Variants in ADAMTSL3 observed in about 807,000 individuals in gnomAD.
ADAMTSL3 encodes the protein ADAMTS-like protein 3.
Under a neutral mutation model 201.7 loss-of-function variants are expected in ADAMTSL3, and 128 were observed. The ratio of observed to expected loss-of-function variants is 0.63; its 90% CI spans 0.55 to 0.73. The LOEUF is 0.73. Ranked by LOEUF, ADAMTSL3 falls within the 30% of genes least tolerant of loss-of-function variation. The pLI is 0.00. For missense variants in ADAMTSL3, 1,990 were observed against 2,119.6 expected, an observed-to-expected ratio of 0.94 and a Z score of 1.20; for synonymous variants, 738 against 748.4, an observed-to-expected ratio of 0.99 and a Z score of 0.23.
At chr15:83,791,222 AG>A (rs536127741) in intron 4 of ADAMTSL3, among the ~76,000 whole-genome samples, 1 of 152,212 alleles carries the variant, frequency 6.6e-6, no homozygotes, top group Admixed American at 6.5e-5. Context: ...TCACAGAAAT[AG>A]AAAAAAACAA....
chr15:83,760,032 A>G (rs1020658351), intron 3 of ADAMTSL3, among the ~76,000 whole-genome samples: 1 of 151,728 alleles, frequency 6.6e-6, no homozygotes, highest in African/African-American at 2.4e-5. Context: ...CCTCTTGCTT[A>G]TATTTTTGTT....
At chr15:84,021,358 C>T (rs547069247) in intron 25 of ADAMTSL3, 52 bp from the exon 26 acceptor site, 19 of 1,601,306 alleles carry the variant, frequency 1.2e-5, no homozygotes, top group Admixed American at 3.4e-5. Flanking sequence ...TTCTCCAGCT[C>T]GTCGTCATTT....
chr15:83,980,460 T>A (rs1045588254), intron 20 of ADAMTSL3, among the ~76,000 whole-genome samples: 5 of 152,206 alleles, frequency 3.3e-5, no homozygotes, highest in African/African-American at 1.2e-4. Flanking sequence ...CAGCTTTTGA[T>A]TGTTGAACAG....
At chr15:83,909,432 C>A (rs1422802805) in intron 15 of ADAMTSL3, among the ~76,000 whole-genome samples, 2 of 152,068 alleles carry the variant, frequency 1.3e-5, no homozygotes, top group African/African-American at 4.8e-5. Context: ...TATTTCTGAG[C>A]AGCTTTTCTG....
intron 19 of ADAMTSL3, among the ~76,000 whole-genome samples, chr15:83,943,858 G>T (rs535463932): frequency 1.1e-4 from 17 of 152,272 alleles, no homozygotes; most frequent in Admixed American, 9.8e-4. Context: ...AAGTCTGATT[G>T]CTTGCAAAAT....
chr15:84,032,700 T>C (rs1173096729), intron 28 of ADAMTSL3, among the ~76,000 whole-genome samples: 3 of 152,218 alleles, frequency 2.0e-5, no homozygotes, highest in Non-Finnish European at 4.4e-5. Context: ...TAATACTCTA[T>C]TCTACTCAAT....
intron 3 of ADAMTSL3, among the ~76,000 whole-genome samples, chr15:83,771,154 C>G (rs2062975566): frequency 7.4e-6 from 1 of 135,042 alleles, no homozygotes; most frequent in African/African-American, 2.9e-5. Flanking sequence ...TATACTTGAT[C>G]TGTTTCTGGA....
At chr15:83,709,958 C>T (rs770981027) in intron 3 of ADAMTSL3, among the ~76,000 whole-genome samples, 9 of 152,072 alleles carry the variant, frequency 5.9e-5, no homozygotes, top group Non-Finnish European at 1.3e-4. Flanking sequence ...TTTATGAATT[C>T]TTTATGTGTG....
intron 8 of ADAMTSL3, among the ~76,000 whole-genome samples, chr15:83,860,892 T>TG (rs2064841384): frequency 6.6e-6 from 1 of 152,108 alleles, no homozygotes; most frequent in African/African-American, 2.4e-5. Context: ...GGAAGCGCAA[T>TG]GGGTCAGGGA....
intron 3 of ADAMTSL3, among the ~76,000 whole-genome samples, chr15:83,745,661 C>G (rs7165003): frequency 0.22 from 33,500 of 152,148 alleles, 4,640 homozygotes; most frequent in East Asian, 0.41. Context: ...ACCCAAGCGA[C>G]TGGCTAGTTC....
At chr15:83,988,096 A>T (rs1338200343) in intron 21 of ADAMTSL3, among the ~76,000 whole-genome samples, 1 of 152,220 alleles carries the variant, frequency 6.6e-6, no homozygotes, top group African/African-American at 2.4e-5. Flanking sequence ...GAATATCAGT[A>T]ATTGGGAAAC....
chr15:83,659,656 A>G (rs973099606), intron 2 of ADAMTSL3, among the ~76,000 whole-genome samples: 1 of 152,210 alleles, frequency 6.6e-6, no homozygotes, highest in Non-Finnish European at 1.5e-5. Flanking sequence ...CCTGGAACTC[A>G]TAAATATTCC....
intron 3 of ADAMTSL3, among the ~76,000 whole-genome samples, chr15:83,717,984 G>A (rs973423132): frequency 6.6e-6 from 1 of 152,058 alleles, no homozygotes; most frequent in Non-Finnish European, 1.5e-5. Flanking sequence ...TTGAAAATCC[G>A]TATTCTTGAT....
intron 23 of ADAMTSL3, among the ~76,000 whole-genome samples, chr15:83,996,613 C>G (rs1228660931): frequency 6.6e-6 from 1 of 151,644 alleles, no homozygotes; most frequent in Non-Finnish European, 1.5e-5. Flanking sequence ...AACCCTGTCT[C>G]TACTAAAAAT....
rs1360780141 is a variant in ADAMTSL3, at chr15:83,714,763, C to G, written c.189+10255C>G. On this transcript the variant is annotated intron_variant, in intron 3 of 29. Transcript: ENST00000286744. ...CTCCTTTTCCTTCCTTCCCTTTTCT[C>G]TTTCTTTCTTTCTTTCTTTCTTTTT... Among the ~76,000 whole-genome samples, 2 of 88,786 alleles carry G rather than the reference C, an allele frequency of 2.3e-5. 1 individual carries two copies. Among genetic ancestry groups the G allele is most frequent in the Non-Finnish European group, 4.6e-5 (2 of 43,772 alleles). 58.2% of individuals were successfully genotyped at this position (88,786 alleles called of 152,430 possible).
intron 8 of ADAMTSL3, among the ~76,000 whole-genome samples, chr15:83,864,869 C>T (rs1380464251): frequency 9.9e-5 from 15 of 152,228 alleles, no homozygotes; most frequent in Middle Eastern, 3.4e-3. Context: ...AAAACCCCAT[C>T]GTCTCAGCCC....
rs763920085 is a variant in ADAMTSL3, at chr15:84,037,005, G to T, written c.4969+18G>T. The T allele has an allele frequency of 1.9e-6, 3 of 1,611,962 alleles. No individual in the cohort carries two copies. The highest frequency in any genetic ancestry group is 3.3e-5 in the Admixed American group (2 of 59,834). ...CTGTGATAGTACGTACACCTCCCAGGTATCTCCACTGCCCCAGAGGCCTTG... is the reference window on the plus strand; with the variant it reads ...CTGTGATAGTACGTACACCTCCCAGTTATCTCCACTGCCCCAGAGGCCTTG... On this transcript the variant is annotated intron_variant, in intron 29 of 29. Transcript: ENST00000286744.
chr15:83,880,542 A>G (rs997822145), intron 9 of ADAMTSL3, among the ~76,000 whole-genome samples: 1 of 152,240 alleles, frequency 6.6e-6, no homozygotes, highest in African/African-American at 2.4e-5. Context: ...TACTTGCCAA[A>G]GTCTATTTTA....
intron 9 of ADAMTSL3, among the ~76,000 whole-genome samples, chr15:83,873,975 T>G (rs1292406517): frequency 6.9e-6 from 1 of 145,446 alleles, no homozygotes; most frequent in Non-Finnish European, 1.5e-5. Flanking sequence ...TTTTCCAAAT[T>G]GATTTAGTCC....
Sources: gnomAD v4.1 joint callset for allele counts (sites outside exome capture counted in the v4.1 genomes callset) on GRCh38, gnomAD v4.1.1 for gene constraint, MANE v1.5 for transcripts, NCBI Gene and HGNC (gene_info 2026-07-23, HGNC 2026-07-21) for gene names.